ANKIB1: variants seen among roughly 807,000 people sequenced by gnomAD.
ANKIB1 encodes the protein ankyrin repeat and IBR domain containing 1.
In ANKIB1, 43 loss-of-function variants were observed where a neutral mutation model predicts 122.1. The observed-to-expected ratio is 0.35, with a 90% CI of 0.28 to 0.45. The LOEUF is 0.45. ANKIB1 is among the 20% of genes least tolerant of loss of function. ANKIB1 has a pLI of 1.00. For synonymous variants in ANKIB1, 390 were observed against 442.0 expected (o/e 0.88, Z 1.48); for missense variants, 992 against 1,329.5 (o/e 0.75, Z 3.95).
intron 1 of ANKIB1, among the ~76,000 whole-genome samples, chr7:92,291,023 G>A (rs959187737): frequency 1.3e-5 from 2 of 152,200 alleles, no homozygotes; most frequent in African/African-American, 4.8e-5. Context: ...GCTGGGTGCA[G>A]TGGCTCGCAC....
At chr7:92,362,294 C>G (rs1322128900) in intron 10 of ANKIB1, 21 bp downstream of exon 10, 1 of 1,555,770 alleles carries the variant, frequency 6.4e-7, no homozygotes, top group South Asian at 1.2e-5. Context: ...TTTTAGATAG[C>G]TTTGCTGCAT....
At chr7:92,340,520 G>GA (rs915759677) in intron 5 of ANKIB1, among the ~76,000 whole-genome samples, 5 of 149,716 alleles carry the variant, frequency 3.3e-5, no homozygotes, top group African/African-American at 9.8e-5. Context: ...GGAATACCAA[G>GA]AAAAAAAAAG....
chr7:92,273,338 A>G (rs1266954940), intron 1 of ANKIB1, among the ~76,000 whole-genome samples: 2 of 152,206 alleles, frequency 1.3e-5, no homozygotes, highest in Non-Finnish European at 2.9e-5. Context: ...CAATGACATC[A>G]TAAAGAATTA....
chr7:92,349,838 A>G (rs1254020141), intron 7 of ANKIB1, among the ~76,000 whole-genome samples: 1 of 152,068 alleles, frequency 6.6e-6, no homozygotes, highest in African/African-American at 2.4e-5. Context: ...TTAAGATCAT[A>G]TGGCTTGTTG....
chr7:92,318,174 T>C (rs1802831887), intron 3 of ANKIB1, among the ~76,000 whole-genome samples: 1 of 152,194 alleles, frequency 6.6e-6, no homozygotes, highest in Non-Finnish European at 1.5e-5. Context: ...TAGAAAACAA[T>C]AAATAGTGAC....
rs1343485526 is a variant in ANKIB1, at chr7:92,352,515, A to T, written c.1270A>T (p.Thr424Ser). 1 of 1,613,644 alleles carries T rather than the reference A, an allele frequency of 6.2e-7. No individual in the cohort carries two copies. The highest frequency in any genetic ancestry group is 1.1e-5 in the South Asian group (1 of 91,014). The change falls in exon 9 of 20, where the codon ACT (threonine) becomes TCT (serine). Residue 424 changes from threonine to serine, a missense_variant. Thr to Ser is a moderately conservative substitution (Grantham distance 58). Coordinates refer to ENST00000265742, the MANE Select transcript of ANKIB1 (RefSeq NM_019004.2). ...TAATCCTGCCATTAAATGGTGTCCTACTCCAGGCTGTGACAGAGCAGTAAG... is the reference window on the plus strand; with the variant it reads ...TAATCCTGCCATTAAATGGTGTCCTTCTCCAGGCTGTGACAGAGCAGTAAG... ...ENNPAIKWCP[T>S]PGCDRAVRLT...
chr7:92,271,114 A>G (rs1801781784), intron 1 of ANKIB1, among the ~76,000 whole-genome samples: 1 of 151,960 alleles, frequency 6.6e-6, no homozygotes, highest in African/African-American at 2.4e-5. Context: ...TCTATGATCC[A>G]TTTTTAGTTA....
At chr7:92,357,765 A>AT (rs1562791619) in intron 9 of ANKIB1, among the ~76,000 whole-genome samples, 2 of 151,540 alleles carry the variant, frequency 1.3e-5, no homozygotes, top group East Asian at 1.9e-4. Context: ...AGAAAAAAAA[A>AT]CTTTCTTTAG....
At chr7:92,317,734 G>C (rs555403128) in intron 3 of ANKIB1, among the ~76,000 whole-genome samples, 3 of 152,298 alleles carry the variant, frequency 2.0e-5, no homozygotes, top group Non-Finnish European at 4.4e-5. Flanking sequence ...TCTTAGGACT[G>C]TAGGAGAACC....
At chr7:92,307,961 G>T (rs568437376) in intron 3 of ANKIB1, among the ~76,000 whole-genome samples, 1 of 151,314 alleles carries the variant, frequency 6.6e-6, no homozygotes, top group Non-Finnish European at 1.5e-5. Context: ...CTACAGGCAC[G>T]CGCCACAATT....
intron 5 of ANKIB1, among the ~76,000 whole-genome samples, chr7:92,338,937 T>A (rs1415246036): frequency 0.14 from 2,150 of 15,776 alleles, 239 homozygotes; most frequent in African/African-American, 0.17. Flanking sequence ...AAAAAAAATA[T>A]ATATATATAT....
rs780605321 is a variant in ANKIB1 at position 92,246,268 on chromosome 7, C to G, written c.-342C>G. On this transcript the variant is annotated 5_prime_UTR_variant, in exon 1 of 20. Transcript: ENST00000265742. ...CGGAGAGGGATGGGGGGCGCCCACC[C>G]AGTCTGAGCCTCGCCGCGGGCGCCT... 9 of 395,432 alleles carry G rather than the reference C, an allele frequency of 2.3e-5. 1 individual carries two copies. Among genetic ancestry groups the G allele is most frequent in the Non-Finnish European group, 4.4e-5 (9 of 204,644 alleles). 24.5% of individuals were successfully genotyped at this position (395,432 alleles called of 1,614,324 possible).
In ANKIB1 at chr7:92,245,991, G is replaced by A; in HGVS notation, c.-619G>A. 4.3e-6 allele frequency: 1 copy of A among 235,024 alleles called. No individual in the cohort carries two copies. 14.6% of individuals were successfully genotyped at this position (235,024 alleles called of 1,614,324 possible). ...GAGCTTCCGGGTCGGCGGCCGGGCTGCTGCCGTTCCTGCTCCTTTTCACTG... is the reference window on the plus strand; with the variant it reads ...GAGCTTCCGGGTCGGCGGCCGGGCTACTGCCGTTCCTGCTCCTTTTCACTG... On this transcript the variant is annotated 5_prime_UTR_variant, in exon 1 of 20. Transcript: ENST00000265742.
chr7:92,294,921 G>A lies in ANKIB1; in HGVS notation c.-58G>A. On this transcript the variant is annotated 5_prime_UTR_variant, in exon 2 of 20. The change creates a new upstream start codon in the 5' untranslated region. Coordinates refer to ENST00000265742, the MANE Select transcript of ANKIB1 (RefSeq NM_019004.2). ...AAGATGTTGCAGAAGTGTTCCAGAA[G>A]TGGCTGAAGATAGAAGGAAAAAAGT... The A allele has an allele frequency of 7.5e-7, 1 of 1,332,110 alleles. No individual in the cohort carries two copies. Among genetic ancestry groups the A allele is most frequent in the Non-Finnish European group, 1.0e-6 (1 of 979,152 alleles). The allele number at this position is 1,332,110 out of a possible 1,614,324, so 82.5% of individuals were successfully genotyped here.
intron 7 of ANKIB1, among the ~76,000 whole-genome samples, chr7:92,345,862 A>AAG (rs78778291): frequency 0.1 from 15,918 of 151,810 alleles, 1,021 homozygotes; most frequent in East Asian, 0.37. Context: ...CTATGTGGGT[A>AAG]AGAGCGAGAA....
intron 17 of ANKIB1, 190 bp from the exon 18 acceptor site, chr7:92,396,175 A>T: frequency 1.7e-6 from 1 of 572,230 alleles, no homozygotes; most frequent in South Asian, 2.1e-5. Context: ...TGACTGTTGA[A>T]AACTTTCTTT....
intron 1 of ANKIB1, among the ~76,000 whole-genome samples, chr7:92,281,680 G>C (rs996518480): frequency 1.3e-5 from 2 of 152,134 alleles, no homozygotes; most frequent in African/African-American, 4.8e-5. Flanking sequence ...TAATAATAAT[G>C]GGTAATAAAC....
chr7:92,271,670 A>T (rs1453703970), intron 1 of ANKIB1, among the ~76,000 whole-genome samples: 2 of 152,254 alleles, frequency 1.3e-5, no homozygotes, highest in African/African-American at 4.8e-5. Context: ...GAGCAACAAG[A>T]TGACAAGAAA....
intron 1 of ANKIB1, among the ~76,000 whole-genome samples, chr7:92,284,125 G>T (rs954151484): frequency 6.6e-6 from 1 of 152,122 alleles, no homozygotes; most frequent in Admixed American, 6.5e-5. Context: ...TATAATATTT[G>T]TGACATTTAA....
Sources: allele counts gnomAD v4.1 joint callset (sites outside exome capture counted in the v4.1 genomes callset), GRCh38; gene constraint gnomAD v4.1.1; transcripts MANE v1.5; gene names NCBI Gene and HGNC (gene_info 2026-07-23, HGNC 2026-07-21).